Variants in ARHGAP36 observed in about 807,000 individuals in gnomAD.
The protein encoded by ARHGAP36 is Rho GTPase activating protein 36.
Under a neutral mutation model 32.9 loss-of-function variants are expected in ARHGAP36, and 7 were observed. That is an observed-to-expected ratio of 0.21 (90% CI 0.12 to 0.40). ARHGAP36 has a LOEUF of 0.40. Among genes scored for constraint, ARHGAP36 ranks in the 10% least tolerant of loss-of-function variants. The pLI, the probability that ARHGAP36 is intolerant of heterozygous loss-of-function variation, is 1.00. For synonymous variants in ARHGAP36, 165 were observed against 168.3 expected, an observed-to-expected ratio of 0.98 and a Z score of 0.15; for missense variants, 383 against 442.2, an observed-to-expected ratio of 0.87 and a Z score of 1.20.
intron 1 of ARHGAP36, among the ~76,000 whole-genome samples, chrX:131,068,505 G>A (rs1417691947): frequency 8.9e-6 from 1 of 111,873 alleles, no homozygotes; most frequent in Non-Finnish European, 1.9e-5. Context: ...TAGGGAATCA[G>A]CGAGCTGGCG....
chrX:131,072,179 A>G (rs1469835240), intron 1 of ARHGAP36, among the ~76,000 whole-genome samples: 1 of 111,265 alleles, frequency 9.0e-6, no homozygotes, highest in Non-Finnish European at 1.9e-5. Context: ...TTAAGACTAT[A>G]GTAGTGGGGG....
At chrX:131,082,118 T>C (rs2079804288) in intron 2 of ARHGAP36, among the ~76,000 whole-genome samples, 200 bp downstream of exon 2, 1 of 111,190 alleles carries the variant, frequency 9.0e-6, no homozygotes, top group Admixed American at 9.5e-5. Context: ...TAAAAATTAG[T>C]TGAGTTTGGT....
At position 131,081,506 on chromosome X, in the gene ARHGAP36, T is replaced by G. The variant is rs1167961143; in HGVS notation, c.-142-18T>G. The G allele has an allele frequency of 9.6e-7, 1 of 1,038,437 alleles. No homozygotes were observed. The highest frequency in any genetic ancestry group is 1.2e-6 in the Non-Finnish European group (1 of 817,843). The allele number at this position is 1,038,437 out of a possible 1,213,427, so 85.6% of individuals were successfully genotyped here. On this transcript the variant is annotated intron_variant, in intron 1 of 11. Transcript: ENST00000276211. The stretch of plus-strand genomic sequence containing the variant: ...AAGGGCTGAATTTTTGAAGTTGGAT[T>G]TTTTTTTTCTTTTTTAGCAAAAACA...
chrX:131,084,771 G>A (rs960206394), intron 6 of ARHGAP36, 90 bp downstream of exon 6: 76 of 1,158,433 alleles, frequency 6.6e-5, no homozygotes, highest in Non-Finnish European at 8.8e-5. Flanking sequence ...ACCTGGTGGG[G>A]GGAGGAGCAG....
At position 131,081,872 on chromosome X, in the gene ARHGAP36, C is replaced by G. The variant is rs1302033805; in HGVS notation, c.207C>G (p.His69Gln). Reference sequence around the variant, plus strand: ...TGAAGCTGCAAGAGACTGCTTACCACGAACTCGTGGCCAGACATTTCCTCT... The same window carrying G: ...TGAAGCTGCAAGAGACTGCTTACCAGGAACTCGTGGCCAGACATTTCCTCT... Reference protein sequence around the residue: ...ERLKLQETAYHELVARHFLSE... With the variant: ...ERLKLQETAYQELVARHFLSE... Residue 69 changes from histidine to glutamine, a missense_variant, in exon 2 of 12, where the codon CAC becomes CAG. Transcript: ENST00000276211. 2 of 1,212,027 alleles carry G rather than the reference C, an allele frequency of 1.7e-6. No homozygotes were observed. The highest frequency in any genetic ancestry group is 2.2e-6 in the Non-Finnish European group (2 of 895,614).
At position 131,058,464 on chromosome X, in the gene ARHGAP36, T is replaced by G. The variant is rs1299277682; in HGVS notation, c.-143+20T>G. ...GCCGTGGTGAGTGGGGCCCACCGAG[T>G]CGGGGGGCTGGGGTGCTCGGCCGGG... On this transcript the variant is annotated intron_variant, in intron 1 of 11. Transcript: ENST00000276211. 3.8e-6 allele frequency: 4 copies of G among 1,042,416 alleles called. No homozygotes were observed. The African/African-American group carries it at 7.9e-5, about 21-fold the overall frequency. 85.9% of individuals were successfully genotyped at this position (1,042,416 alleles called of 1,213,427 possible). A position where few individuals can be genotyped will look rare whatever the true frequency, so the allele number is the denominator to read the frequency against.
chrX:131,063,405 G>A (rs971754019), intron 1 of ARHGAP36, among the ~76,000 whole-genome samples: 3 of 111,717 alleles, frequency 2.7e-5, no homozygotes, highest in African/African-American at 9.8e-5. Context: ...ACACCTAATT[G>A]CTACCCCTCC....
At chrX:131,064,202 T>C (rs2079685065) in intron 1 of ARHGAP36, among the ~76,000 whole-genome samples, 1 of 112,004 alleles carries the variant, frequency 8.9e-6, no homozygotes, top group Admixed American at 9.4e-5. Flanking sequence ...GAGGGAAGTC[T>C]GGACAGTGAG....
chrX:131,065,133 A>G (rs1036231307), intron 1 of ARHGAP36, among the ~76,000 whole-genome samples: 18 of 110,171 alleles, frequency 1.6e-4, no homozygotes, highest in African/African-American at 6.0e-4. Flanking sequence ...AGCCCCTCTT[A>G]TTGCCCCAAT....
At chrX:131,080,770 T>C (rs1382586626) in intron 1 of ARHGAP36, among the ~76,000 whole-genome samples, 1 of 112,425 alleles carries the variant, frequency 8.9e-6, no homozygotes, top group African/African-American at 3.2e-5. Context: ...GAAAAAGTAA[T>C]ATAATGAAGT....
chrX:131,084,145 A>G, intron 4 of ARHGAP36, 70 bp from the exon 5 acceptor site: 1 of 1,085,518 alleles, frequency 9.2e-7, no homozygotes, highest in South Asian at 2.2e-5. Context: ...TGTCATACAT[A>G]CAGTACTCAG....
intron 8 of ARHGAP36, 50 bp downstream of exon 8, chrX:131,085,786 TG>T (rs765332504): frequency 8.4e-7 from 1 of 1,193,912 alleles, no homozygotes; most frequent in Admixed American, 2.2e-5. Flanking sequence ...GGGACATATG[TG>T]GGAGTATATC....
intron 1 of ARHGAP36, among the ~76,000 whole-genome samples, chrX:131,080,105 G>A (rs189400626): frequency 8.9e-6 from 1 of 111,805 alleles, no homozygotes; most frequent in East Asian, 2.8e-4. Flanking sequence ...GAAAAAGTCC[G>A]ACTCTTTAAG....
chrX:131,088,859 A>G lies in ARHGAP36; in HGVS notation c.*74A>G. The G allele has an allele frequency of 8.8e-7, 1 of 1,132,001 alleles. No individual in the cohort carries two copies. The highest frequency in any genetic ancestry group is 1.2e-6 in the Non-Finnish European group (1 of 853,037). 93.3% of individuals were successfully genotyped at this position (1,132,001 alleles called of 1,213,427 possible). On this transcript the variant is annotated 3_prime_UTR_variant, in exon 12 of 12. Coordinates refer to ENST00000276211, the MANE Select transcript of ARHGAP36 (RefSeq NM_144967.4). ...CATCTGGGATGTCACAGGAAACATT[A>G]AGGAGAGAGTTGAAGGTAAAGATCT...
intron 1 of ARHGAP36, among the ~76,000 whole-genome samples, chrX:131,062,851 C>T (rs1569363555): frequency 9.0e-6 from 1 of 111,667 alleles, no homozygotes; most frequent in Non-Finnish European, 1.9e-5. Context: ...TAGTAACTTG[C>T]CCACTGTCAC....
At chrX:131,073,493 A>G (rs902209672) in intron 1 of ARHGAP36, among the ~76,000 whole-genome samples, 1 of 112,530 alleles carries the variant, frequency 8.9e-6, no homozygotes, top group Non-Finnish European at 1.9e-5. Flanking sequence ...AGGTGGAGAC[A>G]GGCTCAGTCC....
chrX:131,061,599 C>T (rs2079669278), intron 1 of ARHGAP36, among the ~76,000 whole-genome samples: 3 of 111,540 alleles, frequency 2.7e-5, no homozygotes, highest in South Asian at 3.8e-4. Context: ...GGGACCGAAT[C>T]GATTTGCTGA....
At chrX:131,083,609 C>G (rs1234061560) in intron 3 of ARHGAP36, 125 bp from the exon 4 acceptor site, 4 of 677,710 alleles carry the variant, frequency 5.9e-6, no homozygotes, top group East Asian at 6.4e-5. Flanking sequence ...AGGGGCGCTG[C>G]GGTTCTGGAG....
chrX:131,060,491 C>G (rs1343761329), intron 1 of ARHGAP36, among the ~76,000 whole-genome samples: 1 of 112,495 alleles, frequency 8.9e-6, no homozygotes, highest in Admixed American at 9.4e-5. Flanking sequence ...TGTGTATGCA[C>G]CACTCACAAA....
Sources: gnomAD v4.1 joint callset for allele counts (sites outside exome capture counted in the v4.1 genomes callset) on GRCh38, gnomAD v4.1.1 for gene constraint, MANE v1.5 for transcripts, NCBI Gene and HGNC (gene_info 2026-07-23, HGNC 2026-07-21) for gene names.